CACNA2D3: variants seen among roughly 807,000 people sequenced by gnomAD.
The protein encoded by CACNA2D3 is calcium voltage-gated channel auxiliary subunit alpha2delta 3.
CACNA2D3 carries 60 observed loss-of-function variants against 160.6 expected under a neutral mutation model. That is an observed-to-expected ratio of 0.37 (90% CI 0.30 to 0.46). CACNA2D3 has a LOEUF of 0.46. Ranked by LOEUF, CACNA2D3 falls within the 20% of genes least tolerant of loss-of-function variation. The probability of loss-of-function intolerance (pLI) is 1.00; values close to 1 mark genes in which losing one functional copy is unlikely to be tolerated. For synonymous variants in CACNA2D3, 558 were observed against 492.9 expected, an observed-to-expected ratio of 1.13 and a Z score of -1.75; for missense variants, 1,205 against 1,365.0, an observed-to-expected ratio of 0.88 and a Z score of 1.85.
intron 17 of CACNA2D3, among the ~76,000 whole-genome samples, chr3:54,860,014 A>ACG (rs3086632): frequency 6.7e-6 from 1 of 150,326 alleles, no homozygotes; most frequent in Non-Finnish European, 1.5e-5. Context: ...ACACACACAC[A>ACG]AACACACATA....
At chr3:54,821,387 G>C (rs778767782) in intron 14 of CACNA2D3, among the ~76,000 whole-genome samples, 6 of 152,172 alleles carry the variant, frequency 3.9e-5, no homozygotes, top group Non-Finnish European at 8.8e-5. Flanking sequence ...AAACACAGCA[G>C]GGTTCAAGAT....
chr3:54,403,043 G>C (rs1268865930), intron 4 of CACNA2D3, among the ~76,000 whole-genome samples: 1 of 152,090 alleles, frequency 6.6e-6, no homozygotes, highest in Non-Finnish European at 1.5e-5. Context: ...GTGGGTCAAA[G>C]AAGAAATCAA....
intron 11 of CACNA2D3, among the ~76,000 whole-genome samples, chr3:54,658,426 A>G (rs920428288): frequency 2.6e-5 from 4 of 152,136 alleles, no homozygotes; most frequent in Admixed American, 2.6e-4. Context: ...CCTGATGATG[A>G]ACAATGTTGA....
rs148888414 is a variant in CACNA2D3, at chr3:54,944,393, A to G, written c.2450-24057A>G. The stretch of plus-strand genomic sequence containing the variant: ...TTGACTGTTTTATTTTAAATTTCCC[A>G]GGGTATTTATTTATTTATTTATTTA... On this transcript the variant is annotated intron_variant, in intron 27 of 37. Coordinates refer to ENST00000474759, the MANE Select transcript of CACNA2D3 (RefSeq NM_018398.3). Among the ~76,000 whole-genome samples, 57 of 148,610 alleles carry G rather than the reference A, an allele frequency of 3.8e-4. No homozygotes were observed. In the East Asian group the frequency reaches 3.9e-3, roughly 10 times the overall value.
intron 23 of CACNA2D3, among the ~76,000 whole-genome samples, chr3:54,886,933 C>CTTTTTTT (rs1559617461): frequency 3.1e-5 from 1 of 31,838 alleles, no homozygotes; most frequent in African/African-American, 2.9e-4. Flanking sequence ...TTCAGCAAAG[C>CTTTTTTT]TCTTTTTTTT....
At chr3:54,553,577 T>A (rs1702193851) in intron 5 of CACNA2D3, among the ~76,000 whole-genome samples, 1 of 152,232 alleles carries the variant, frequency 6.6e-6, no homozygotes, top group Non-Finnish European at 1.5e-5. Context: ...TCCCTTCCCT[T>A]CCATCAGTGG....
intron 11 of CACNA2D3, among the ~76,000 whole-genome samples, chr3:54,680,560 C>T (rs1468806651): frequency 6.6e-6 from 1 of 152,158 alleles, no homozygotes; most frequent in Non-Finnish European, 1.5e-5. Context: ...CCTCCAGATG[C>T]TACTATAATT....
At chr3:54,393,401 T>C (rs1699316362) in intron 4 of CACNA2D3, among the ~76,000 whole-genome samples, 1 of 152,164 alleles carries the variant, frequency 6.6e-6, no homozygotes. Context: ...GAACCACTGC[T>C]GGAGTGTGTG....
chr3:54,704,395 A>G (rs148558430), intron 11 of CACNA2D3, among the ~76,000 whole-genome samples: 1,771 of 152,230 alleles, frequency 0.012, 27 homozygotes, highest in Non-Finnish European at 0.015. Flanking sequence ...AAAACCTTCT[A>G]TTGGGGGGAC....
chr3:54,313,200 A>G (rs1703779227), intron 2 of CACNA2D3, among the ~76,000 whole-genome samples: 1 of 152,052 alleles, frequency 6.6e-6, no homozygotes, highest in African/African-American at 2.4e-5. Context: ...GAGGCTCAGG[A>G]GGTTAATGGC....
intron 11 of CACNA2D3, among the ~76,000 whole-genome samples, chr3:54,732,807 CAG>C (rs1474009027): frequency 1.3e-5 from 2 of 152,200 alleles, no homozygotes; most frequent in East Asian, 1.9e-4. Flanking sequence ...TTGTGGTCAT[CAG>C]AGTTTTATGT....
intron 4 of CACNA2D3, among the ~76,000 whole-genome samples, chr3:54,488,656 CTCTT>C (rs1390539605): frequency 6.6e-6 from 1 of 152,252 alleles, no homozygotes; most frequent in South Asian, 2.1e-4. Flanking sequence ...ACTCCCTTCT[CTCTT>C]TCTTCGCATT....
intron 3 of CACNA2D3, among the ~76,000 whole-genome samples, chr3:54,332,915 A>T (rs2107519223): frequency 6.6e-6 from 1 of 152,218 alleles, no homozygotes; most frequent in Admixed American, 6.5e-5. Context: ...ATGTGCTATT[A>T]GGGGAGACAG....
intron 25 of CACNA2D3, among the ~76,000 whole-genome samples, chr3:54,895,681 T>C (rs986727599): frequency 1.3e-5 from 2 of 152,166 alleles, no homozygotes; most frequent in African/African-American, 4.8e-5. Flanking sequence ...TCCCTACCTA[T>C]ATGTTGTCCC....
chr3:54,461,259 C>T (rs1475903730), intron 4 of CACNA2D3, among the ~76,000 whole-genome samples: 1 of 151,352 alleles, frequency 6.6e-6, no homozygotes, highest in Non-Finnish European at 1.5e-5. Flanking sequence ...TGTCTCTGCC[C>T]AGCTTTGGTA....
At chr3:54,555,167 T>C (rs1392706525) in intron 5 of CACNA2D3, among the ~76,000 whole-genome samples, 2 of 152,196 alleles carry the variant, frequency 1.3e-5, no homozygotes, top group Non-Finnish European at 2.9e-5. Context: ...TGAGCCAGTG[T>C]GCCCAGCCAA....
intron 2 of CACNA2D3, among the ~76,000 whole-genome samples, chr3:54,248,046 T>TA (rs2107418622): frequency 6.6e-6 from 1 of 152,332 alleles, no homozygotes; most frequent in East Asian, 1.9e-4. Flanking sequence ...ATGGGAATGT[T>TA]ACTGTAAGCT....
At chr3:54,878,899 G>A in intron 18 of CACNA2D3, 119 bp from the exon 19 acceptor site, 2 of 556,766 alleles carry the variant, frequency 3.6e-6, no homozygotes, top group Non-Finnish European at 6.3e-6. Flanking sequence ...TTCTTCAGAA[G>A]CTCTGTTTTC....
At chr3:54,344,753 A>T (rs1698425752) in intron 3 of CACNA2D3, among the ~76,000 whole-genome samples, 2 of 152,058 alleles carry the variant, frequency 1.3e-5, no homozygotes, top group Admixed American at 6.5e-5. Flanking sequence ...GAACCAGAGC[A>T]CTCCATCTTA....
Sources: allele counts gnomAD v4.1 joint callset (sites outside exome capture counted in the v4.1 genomes callset), GRCh38; gene constraint gnomAD v4.1.1; transcripts MANE v1.5; gene names NCBI Gene and HGNC (gene_info 2026-07-23, HGNC 2026-07-21).